The following GALNT14 variants were observed in gnomAD, a reference collection of about 807,000 sequenced individuals.
GALNT14 encodes the protein polypeptide N-acetylgalactosaminyltransferase 14.
GALNT14 carries 60 observed loss-of-function variants against 77.5 expected under a neutral mutation model. The ratio of observed to expected loss-of-function variants is 0.77; its 90% CI spans 0.63 to 0.96. The LOEUF (loss-of-function observed/expected upper bound fraction) is 0.96. Among genes scored for constraint, GALNT14 ranks in the 40% least tolerant of loss-of-function variants. The pLI, the probability that GALNT14 is intolerant of heterozygous loss-of-function variation, is 0.00. For missense variants in GALNT14, 710 were observed against 731.0 expected (o/e 0.97, Z 0.33); for synonymous variants, 280 against 281.7 (o/e 0.99, Z 0.06).
At chr2:31,026,837 C>A (rs535716985) in intron 1 of GALNT14, among the ~76,000 whole-genome samples, 1 of 152,206 alleles carries the variant, frequency 6.6e-6, no homozygotes, top group East Asian at 1.9e-4. Context: ...AGTCCACAGT[C>A]CTTTCTTCCT....
At chr2:30,945,903 G>A (rs1326008544) in intron 6 of GALNT14, 33 bp from the exon 7 acceptor site, 3 of 1,590,448 alleles carry the variant, frequency 1.9e-6, no homozygotes, top group Admixed American at 3.3e-5. Context: ...TTAGCTTATG[G>A]AGAGGAGCCC....
intron 1 of GALNT14, among the ~76,000 whole-genome samples, chr2:31,130,268 G>T (rs981078708): frequency 3.9e-5 from 6 of 152,220 alleles, no homozygotes; most frequent in African/African-American, 1.4e-4. Context: ...AGGCCAGAGT[G>T]GCAACCTCCT....
intron 1 of GALNT14, among the ~76,000 whole-genome samples, chr2:31,093,196 G>C (rs544315633): frequency 1.3e-5 from 2 of 152,182 alleles, no homozygotes; most frequent in African/African-American, 2.4e-5. Context: ...TAGGAAAGAA[G>C]CATAAAGCAG....
chr2:30,906,548 G>C (rs1664148382), downstream of GALNT14, among the ~76,000 whole-genome samples: 4 of 150,162 alleles, frequency 2.7e-5, no homozygotes, highest in South Asian at 8.7e-4. Flanking sequence ...GGAGCACCAA[G>C]ATTCATAAAG....
rs149896196 is a variant in GALNT14 at position 30,957,050 on chromosome 2, A to T, written c.467-1073T>A. On this transcript the variant is annotated intron_variant, in intron 4 of 14. Coordinates refer to ENST00000349752, the MANE Select transcript of GALNT14 (RefSeq NM_024572.4). The stretch of plus-strand genomic sequence containing the variant: ...CTCCCTGGCTTGCCTGCTGCTCCTC[A>T]CTCCTTTGGTTCACCAGCTCCCTGG... Among the ~76,000 whole-genome samples, 623 of 150,428 alleles carry T rather than the reference A, an allele frequency of 4.1e-3. 3 individuals carry two copies. Among genetic ancestry groups the T allele is most frequent in the Admixed American group, 8.2e-3 (124 of 15,122 alleles).
intron 1 of GALNT14, among the ~76,000 whole-genome samples, chr2:31,130,124 AT>A (rs1678903025): frequency 6.6e-6 from 1 of 152,196 alleles, no homozygotes; most frequent in South Asian, 2.1e-4. Context: ...GAATTTAATT[AT>A]TTTTTAAGTG....
intron 13 of GALNT14, among the ~76,000 whole-genome samples, chr2:30,918,643 T>TGGGTGGCATC (rs1558402338): frequency 2.6e-5 from 2 of 77,394 alleles, no homozygotes; most frequent in Non-Finnish European, 2.6e-5. Flanking sequence ...AGGGTGGCAT[T>TGGGTGGCATC]GGGCAGGGAG....
chr2:30,970,324 C>A lies in GALNT14; in HGVS notation c.300-4022G>T, dbSNP rs527943489. ...CATTTGAGTCTGGACATGTCGAGAACCAGCTGTGTGCCCTTGGACACATCA... is the reference window on the plus strand; with the variant it reads ...CATTTGAGTCTGGACATGTCGAGAAACAGCTGTGTGCCCTTGGACACATCA... On this transcript the variant is annotated intron_variant, in intron 2 of 14. Transcript: ENST00000349752. Among the ~76,000 whole-genome samples the A allele has an allele frequency of 2.6e-5, 4 of 152,314 alleles. No individual in the cohort carries two copies. In the South Asian group the frequency reaches 6.2e-4, roughly 24 times the overall value.
chr2:30,980,704 T>C (rs1668936129), intron 2 of GALNT14, among the ~76,000 whole-genome samples: 1 of 152,110 alleles, frequency 6.6e-6, no homozygotes, highest in African/African-American at 2.4e-5. Context: ...TCCTTCTCTG[T>C]GAAATGGCAA....
chr2:31,071,264 T>A (rs554606137), intron 1 of GALNT14, among the ~76,000 whole-genome samples: 15 of 152,110 alleles, frequency 9.9e-5, no homozygotes, highest in East Asian at 1.9e-4. Flanking sequence ...AAATTTTTTT[T>A]AAAAGAGAAA....
At chr2:31,090,837 G>A (rs935864578) in intron 1 of GALNT14, among the ~76,000 whole-genome samples, 3 of 151,342 alleles carry the variant, frequency 2.0e-5, no homozygotes, top group Non-Finnish European at 2.9e-5. Context: ...CATCTGTGAA[G>A]AGAACATTAA....
intron 1 of GALNT14, among the ~76,000 whole-genome samples, chr2:31,035,778 T>C (rs1395520539): frequency 6.6e-6 from 1 of 152,058 alleles, no homozygotes; most frequent in East Asian, 1.9e-4. Flanking sequence ...AAATACTTTA[T>C]GTTCTCTCTT....
chr2:31,003,014 A>C (rs1178927103), intron 1 of GALNT14, among the ~76,000 whole-genome samples: 1 of 152,210 alleles, frequency 6.6e-6, no homozygotes, highest in Admixed American at 6.5e-5. Context: ...TGATGTGCAG[A>C]AATCTAAATT....
At position 31,119,191 on chromosome 2, in the gene GALNT14, T is replaced by C. The variant is rs1305326638; in HGVS notation, c.129+18767A>G. Among the ~76,000 whole-genome samples the C allele has an allele frequency of 2.0e-5, 3 of 152,198 alleles. No individual in the cohort carries two copies. The East Asian group carries it at 5.8e-4, about 29-fold the overall frequency. On this transcript the variant is annotated intron_variant, in intron 1 of 14. Transcript: ENST00000349752. ...CTTTTTAATCAAGACAGGGCATTCA[T>C]GAGCTATTTTTTGAAAAGACATATT...
chr2:31,135,300 A>G (rs1473622227), intron 1 of GALNT14, among the ~76,000 whole-genome samples: 1 of 152,206 alleles, frequency 6.6e-6, no homozygotes, highest in Non-Finnish European at 1.5e-5. Context: ...AATGGAGCTC[A>G]CCAGGTGATT....
intron 1 of GALNT14, among the ~76,000 whole-genome samples, chr2:31,131,413 G>C (rs1678988941): frequency 6.6e-6 from 1 of 152,146 alleles, no homozygotes; most frequent in African/African-American, 2.4e-5. Context: ...TAGGTCTCTG[G>C]GGTGGAATAT....
chr2:30,978,892 A>G (rs77620396), intron 2 of GALNT14, among the ~76,000 whole-genome samples: 3,717 of 152,252 alleles, frequency 0.024, 146 homozygotes, highest in East Asian at 0.21. Flanking sequence ...TGCTCAGGGT[A>G]AGCATAGAGG....
At chr2:30,931,525 A>AGG (rs1162791499) in intron 10 of GALNT14, among the ~76,000 whole-genome samples, 1 of 152,122 alleles carries the variant, frequency 6.6e-6, no homozygotes, top group Non-Finnish European at 1.5e-5. Flanking sequence ...CCCCCCAGAC[A>AGG]GGAGGAGAGC....
chr2:30,952,149 C>T (rs1667066537), intron 6 of GALNT14, among the ~76,000 whole-genome samples: 1 of 152,014 alleles, frequency 6.6e-6, no homozygotes, highest in African/African-American at 2.4e-5. Context: ...AAGCAGAATA[C>T]AAAAATCATA....
Sources: allele counts gnomAD v4.1 joint callset (sites outside exome capture counted in the v4.1 genomes callset), GRCh38; gene constraint gnomAD v4.1.1; transcripts MANE v1.5; gene names NCBI Gene and HGNC (gene_info 2026-07-23, HGNC 2026-07-21).